TIAM1: variants seen among roughly 807,000 people sequenced by gnomAD.
The protein encoded by TIAM1 is TIAM Rac1 associated GEF 1.
TIAM1 carries 65 observed loss-of-function variants against 163.5 expected under a neutral mutation model. The ratio of observed to expected loss-of-function variants is 0.40; its 90% CI spans 0.33 to 0.49. The LOEUF is 0.49. Among genes scored for constraint, TIAM1 ranks in the 20% least tolerant of loss-of-function variants. The probability of loss-of-function intolerance (pLI) is 0.77; values close to 1 mark genes in which losing one functional copy is unlikely to be tolerated. For missense variants in TIAM1, 1,789 were observed against 2,044.7 expected (o/e 0.87, Z 2.41); for synonymous variants, 833 against 810.1 (o/e 1.03, Z -0.48).
chr21:31,430,269 CACACATATAT>C (rs1569324471), intron 2 of TIAM1, among the ~76,000 whole-genome samples: 3 of 145,116 alleles, frequency 2.1e-5, no homozygotes, highest in Admixed American at 6.9e-5. Context: ...CACACACACA[CACACATATAT>C]ATATATATTG....
intron 4 of TIAM1, among the ~76,000 whole-genome samples, chr21:31,262,295 T>A (rs1294925208): frequency 6.6e-6 from 1 of 152,206 alleles, no homozygotes; most frequent in East Asian, 1.9e-4. Context: ...AGCTCAGATA[T>A]GCTGCTAACT....
chr21:31,164,293 G>A (rs905568399), intron 16 of TIAM1, among the ~76,000 whole-genome samples: 2 of 151,956 alleles, frequency 1.3e-5, no homozygotes, highest in African/African-American at 4.8e-5. Flanking sequence ...GGGAGGCTGA[G>A]GCAGAAGAAT....
chr21:31,151,066 A>G (rs1216828974), intron 19 of TIAM1, among the ~76,000 whole-genome samples: 2 of 152,220 alleles, frequency 1.3e-5, no homozygotes, highest in African/African-American at 4.8e-5. Context: ...TAGAATAGCT[A>G]AAAAGAGAAA....
intron 2 of TIAM1, among the ~76,000 whole-genome samples, chr21:31,400,962 G>C (rs1484599323): frequency 6.6e-6 from 1 of 152,070 alleles, no homozygotes; most frequent in Non-Finnish European, 1.5e-5. Context: ...ATGGTGGCAG[G>C]CTCCTGTAAT....
At chr21:31,437,802 C>G (rs1195763601) in intron 2 of TIAM1, among the ~76,000 whole-genome samples, 2 of 152,196 alleles carry the variant, frequency 1.3e-5, no homozygotes, top group Non-Finnish European at 2.9e-5. Flanking sequence ...GATCCCCCAG[C>G]CATGCTTCCA....
intron 2 of TIAM1, among the ~76,000 whole-genome samples, chr21:31,324,381 T>C (rs1218966117): frequency 2.0e-5 from 3 of 152,144 alleles, no homozygotes; most frequent in Non-Finnish European, 2.9e-5. Flanking sequence ...GGTGCCTGCT[T>C]ATGGGCAGAG....
Position 31,141,024 on chromosome 21 carries a change from CAAGT to C in TIAM1, c.3774+90_3774+93del. ...AACAGCATCCTAACTATTTTACTTACAAGTAACACCTTTTTAAAAAATAAATAAA... is the reference window on the plus strand; with the variant it reads ...AACAGCATCCTAACTATTTTACTTACAACACCTTTTTAAAAAATAAATAAA... On this transcript the variant is annotated intron_variant, in intron 22 of 27. Transcript: ENST00000541036. The surrounding 1 kb of genome is among the most constrained non-coding windows in gnomAD (Gnocchi z 4.7). 1 of 947,448 alleles carries C rather than the reference CAAGT, an allele frequency of 1.1e-6. No homozygotes were observed. Among genetic ancestry groups the C allele is most frequent in the East Asian group, 2.7e-5 (1 of 37,356 alleles). 58.7% of individuals were successfully genotyped at this position (947,448 alleles called of 1,614,324 possible).
At chr21:31,300,255 G>C (rs2074450066) in intron 2 of TIAM1, among the ~76,000 whole-genome samples, 1 of 152,190 alleles carries the variant, frequency 6.6e-6, no homozygotes, top group Non-Finnish European at 1.5e-5. Context: ...CCCAGAAGCA[G>C]ATGCCAGCAT....
At chr21:31,371,221 A>G (rs1047222810) in intron 2 of TIAM1, among the ~76,000 whole-genome samples, 3 of 152,294 alleles carry the variant, frequency 2.0e-5, no homozygotes, top group African/African-American at 7.2e-5. Flanking sequence ...GAGTTTCTGA[A>G]GTTTATTTGG....
At chr21:31,558,465 G>GCCTAAGTCAGGGACCGA (rs1184218217) in intron 1 of TIAM1, among the ~76,000 whole-genome samples, 2 of 152,138 alleles carry the variant, frequency 1.3e-5, no homozygotes, top group East Asian at 3.9e-4. Flanking sequence ...GCCCGGAGGT[G>GCCTAAGTCAGGGACCGA]CCTAAGTCAG....
In TIAM1 at chr21:31,120,206, G is replaced by T; in HGVS notation, c.*162C>A. 1 of 629,262 alleles carries T rather than the reference G, an allele frequency of 1.6e-6. No homozygotes were observed. Among genetic ancestry groups the T allele is most frequent in the Non-Finnish European group, 2.7e-6 (1 of 371,508 alleles). 39.0% of individuals were successfully genotyped at this position (629,262 alleles called of 1,614,324 possible). A position where few individuals can be genotyped will look rare whatever the true frequency, so the allele number is the denominator to read the frequency against. The stretch of plus-strand genomic sequence containing the variant: ...AATTCTTTCTGATGTTGTTGAAAAT[G>T]ACAAAGTTGGGTGGCTACATGGCTT... On this transcript the variant is annotated 3_prime_UTR_variant, in exon 28 of 28. Transcript: ENST00000541036. This position sits in a 1 kb window ranked among gnomAD's most constrained non-coding sequence, Gnocchi z 4.2.
Position 31,225,890 on chromosome 21 carries a change from C to T in TIAM1, c.1645G>A (p.Ala549Thr). 6.2e-7 allele frequency: 1 copy of T among 1,614,140 alleles called. No individual in the cohort carries two copies. Among genetic ancestry groups the T allele is most frequent in the Non-Finnish European group, 8.5e-7 (1 of 1,180,024 alleles). ...TCCTTGTGGTGGTGCCTCGCGACCG[C>T]AGTGGCGCAGGCAGAGTGGATGGCG... is the stretch of plus-strand genomic sequence containing the variant. The part of the protein sequence containing the change: ...ITAIHSACAT[A>T]VARHHHKEDT... Residue 549 changes from alanine to threonine, a missense_variant, in exon 7 of 28, where the codon GCG becomes ACG. Around this residue, in one of 5 missense-constraint regions of TIAM1, gnomAD observed 456 missense variants for 586.6 expected, o/e 0.78. Coordinates refer to ENST00000541036, the MANE Select transcript of TIAM1 (RefSeq NM_001353694.2).
At chr21:31,474,776 C>A (rs1244088435) in intron 1 of TIAM1, among the ~76,000 whole-genome samples, 3 of 151,806 alleles carry the variant, frequency 2.0e-5, no homozygotes, top group African/African-American at 7.3e-5. Context: ...GAACTCCCGA[C>A]CTCAGTTGAT....
intron 2 of TIAM1, among the ~76,000 whole-genome samples, chr21:31,394,576 G>T (rs776064442): frequency 2.6e-5 from 4 of 152,058 alleles, no homozygotes; most frequent in Non-Finnish European, 4.4e-5. Context: ...GGATGTTGGT[G>T]GTGGGAGAGG....
At position 31,451,750 on chromosome 21, in the gene TIAM1, TGTGTGTGTGTGA is replaced by T. The variant is rs1169990543; in HGVS notation, c.-369+12221_-369+12232del. Among the ~76,000 whole-genome samples the T allele has an allele frequency of 1.3e-4, 19 of 144,806 alleles. 2 individuals carry two copies. The highest frequency in any genetic ancestry group is 3.5e-3 in the Middle Eastern group (1 of 284). The allele number at this position is 144,806 out of a possible 152,430, so 95.0% of individuals were successfully genotyped here. A position where few individuals can be genotyped will look rare whatever the true frequency, so the allele number is the denominator to read the frequency against. On this transcript the variant is annotated intron_variant, in intron 2 of 28. Transcript: ENST00000286827. Reference sequence around the variant, plus strand: ...GTGTGTGTGTGTGTGTGTGTGTGTGTGTGTGTGTGTGAGACACAGAGAGAGAGAGAGAGAGAG... The same window carrying T: ...GTGTGTGTGTGTGTGTGTGTGTGTGTGACACAGAGAGAGAGAGAGAGAGAG...
chr21:31,217,641 G>A lies in TIAM1; in HGVS notation c.2054C>T (p.Ser685Phe). Residue 685 changes from serine to phenylalanine, a missense_variant, in exon 9 of 28, where the codon TCC (serine) becomes TTC (phenylalanine). Ser to Phe is a radical substitution (Grantham distance 155, BLOSUM62 -2). Around this residue, in one of 5 missense-constraint regions of TIAM1, gnomAD observed 456 missense variants for 586.6 expected, o/e 0.78. Coordinates refer to ENST00000541036, the MANE Select transcript of TIAM1 (RefSeq NM_001353694.2). ...VRRRTQAMSR[S>F]ASKRRSRFSS... ...AAACCTGCTCCTTCGCTTGCTCGCG[G>A]ATCTGGACATGGCCTGAGTACGTCT... is the stretch of plus-strand genomic sequence containing the variant. 2 of 1,614,056 alleles carry A rather than the reference G, an allele frequency of 1.2e-6. No homozygotes were observed. Among genetic ancestry groups the A allele is most frequent in the Non-Finnish European group, 1.7e-6 (2 of 1,179,998 alleles).
intron 16 of TIAM1, among the ~76,000 whole-genome samples, chr21:31,156,757 GGACA>G (rs2083642340): frequency 6.6e-6 from 1 of 152,100 alleles, no homozygotes; most frequent in South Asian, 2.1e-4. Flanking sequence ...GAAAATCCAT[GGACA>G]GACAGTGATA....
rs184365539 is a variant in TIAM1 at position 31,132,283 on chromosome 21, A to T, written c.3884-1335T>A. Among the ~76,000 whole-genome samples, 6 of 152,290 alleles carry T rather than the reference A, an allele frequency of 3.9e-5. No homozygotes were observed. In the East Asian group the frequency reaches 1.2e-3, roughly 29 times the overall value. On this transcript the variant is annotated intron_variant, in intron 23 of 27. Transcript: ENST00000541036. The stretch of plus-strand genomic sequence containing the variant: ...TCATGCTAATCTCCACTGCAGGGAA[A>T]TAAGCGCTGAGATGCAAAGAAACTG...
chr21:31,478,705 C>G (rs1226735432), intron 1 of TIAM1, among the ~76,000 whole-genome samples: 1 of 152,108 alleles, frequency 6.6e-6, no homozygotes, highest in Non-Finnish European at 1.5e-5. Flanking sequence ...AATTTAAAGA[C>G]CACCAAAACA....
Sources: allele counts gnomAD v4.1 joint callset (sites outside exome capture counted in the v4.1 genomes callset), GRCh38; gene constraint gnomAD v4.1.1; regional missense constraint gnomAD v4.1.1; non-coding constraint Gnocchi (gnomAD v3.1); transcripts MANE v1.5; gene names NCBI Gene and HGNC (gene_info 2026-07-23, HGNC 2026-07-21).